PASD1: variants seen among roughly 807,000 people sequenced by gnomAD.
PASD1 encodes PAS domain containing repressor 1, also known as circadian clock protein PASD1.
A neutral mutation model predicts 58.8 loss-of-function variants in PASD1; 13 were observed. The observed-to-expected ratio is 0.22, with a 90% CI of 0.14 to 0.35. The LOEUF (loss-of-function observed/expected upper bound fraction) is 0.35. Ranked by LOEUF, PASD1 falls within the 10% of genes least tolerant of loss-of-function variation. PASD1 has a pLI of 1.00. For missense variants in PASD1, 734 were observed against 568.3 expected, an observed-to-expected ratio of 1.29 and a Z score of -2.96; for synonymous variants, 236 against 216.7, an observed-to-expected ratio of 1.09 and a Z score of -0.78.
Position 151,622,995 on chromosome X carries a change from A to T in PASD1, c.477A>T (p.Ala159=), listed in dbSNP as rs1173593233. 3 of 1,208,964 alleles carry T rather than the reference A, an allele frequency of 2.5e-6. No individual in the cohort carries two copies. The highest frequency in any genetic ancestry group is 4.4e-5 in the Admixed American group (2 of 45,955). Residue 159 remains alanine (A), a synonymous_variant, in exon 7 of 16, where the codon GCA becomes GCT. Coordinates refer to ENST00000370357, the MANE Select transcript of PASD1 (RefSeq NM_173493.3). ...FSSHLCADFA[A]CVPQEDRLYL... ...GCCACCTCTGTGCTGACTTTGCTGC[A>T]TGTGTTCCTCAGGAGGATCGGCTTT...
At chrX:151,632,260 G>A (rs757579807) in intron 8 of PASD1, among the ~76,000 whole-genome samples, 3 of 111,259 alleles carry the variant, frequency 2.7e-5, no homozygotes, top group Non-Finnish European at 5.6e-5. Context: ...TGGCCAGAAA[G>A]GGCCTCAACA....
In PASD1 at chrX:151,673,959, G is replaced by A. The variant is rs757615659; in HGVS notation, c.1948G>A (p.Val650Met). 9 of 1,209,178 alleles carry A rather than the reference G, an allele frequency of 7.4e-6. No homozygotes were observed. Among genetic ancestry groups the A allele is most frequent in the African/African-American group, 7.0e-5 (4 of 57,135 alleles). Residue 650 changes from valine (V) to methionine (M), a missense_variant, in exon 15 of 16, where the codon GTG (valine) becomes ATG (methionine). Physicochemically the swap from Val to Met is conservative, Grantham distance 21 (BLOSUM62 1). Coordinates refer to ENST00000370357, the MANE Select transcript of PASD1 (RefSeq NM_173493.3). The part of the protein sequence containing the change: ...FYPEAYQGPP[V>M]NQLPLIDTSN... ...TCCTGAGGCGTATCAAGGGCCCCCC[G>A]TGAACCAGCTGCCATTGATAGATAC... is the stretch of plus-strand genomic sequence containing the variant.
At chrX:151,573,815 G>T (rs187912799) in intron 1 of PASD1, among the ~76,000 whole-genome samples, 2 of 111,776 alleles carry the variant, frequency 1.8e-5, no homozygotes, top group East Asian at 5.6e-4. Context: ...AGGTGAATTG[G>T]GTTGTATTGT....
rs199702421 is a variant in PASD1 at position 151,620,936 on chromosome X, A to G, written c.214A>G (p.Ile72Val). Residue 72 changes from isoleucine (I) to valine (V), a missense_variant, in exon 5 of 16, where the codon ATT (isoleucine) becomes GTT (valine). Coordinates refer to ENST00000370357, the MANE Select transcript of PASD1 (RefSeq NM_173493.3). ...TCCTCTCCTCTCCTGCCAGGCTGAGATTGTGGGCAAAAAATTATTAAGCCT... is the reference window on the plus strand; with the variant it reads ...TCCTCTCCTCTCCTGCCAGGCTGAGGTTGTGGGCAAAAAATTATTAAGCCT... ...SSLLGHLPAE[I>V]VGKKLLSLLP... 5.7e-5 allele frequency: 69 copies of G among 1,202,049 alleles called. No individual in the cohort carries two copies. Among genetic ancestry groups the G allele is most frequent in the Non-Finnish European group, 5.6e-6 (5 of 890,223 alleles).
chrX:151,563,771 A>C lies in PASD1; in HGVS notation c.-96A>C, dbSNP rs1014483870. The C allele has an allele frequency of 2.7e-5, 3 of 112,264 alleles. No homozygotes were observed. The highest frequency in any genetic ancestry group is 5.6e-5 in the Non-Finnish European group (3 of 53,227). The allele number at this position is 112,264 out of a possible 1,213,427, so 9.3% of individuals were successfully genotyped here. A position where few individuals can be genotyped will look rare whatever the true frequency, so the allele number is the denominator to read the frequency against. ...CACCAGGCTCCCGGGCTCTCACCGG[A>C]GACCACAGGGAGGAGCTTCAAGGTA... On this transcript the variant is annotated 5_prime_UTR_variant, in exon 1 of 16. Coordinates refer to ENST00000370357, the MANE Select transcript of PASD1 (RefSeq NM_173493.3).
intron 4 of PASD1, among the ~76,000 whole-genome samples, chrX:151,619,667 G>A (rs1244222017): frequency 9.0e-6 from 1 of 111,600 alleles, no homozygotes; most frequent in Non-Finnish European, 1.9e-5. Context: ...GGGCTGAGAA[G>A]TGATGATTTG....
At chrX:151,641,722 G>A (rs1422212116) in intron 8 of PASD1, among the ~76,000 whole-genome samples, 2 of 110,819 alleles carry the variant, frequency 1.8e-5, no homozygotes, top group African/African-American at 3.3e-5. Flanking sequence ...AATTGGAGAG[G>A]AGAAGGGTAC....
chrX:151,651,679 G>T (rs1007792752), intron 9 of PASD1, among the ~76,000 whole-genome samples: 1 of 112,353 alleles, frequency 8.9e-6, no homozygotes, highest in Non-Finnish European at 1.9e-5. Flanking sequence ...GTCAAAGAAG[G>T]TCAGCCCTGA....
At chrX:151,575,648 A>AT (rs767860378) in intron 1 of PASD1, among the ~76,000 whole-genome samples, 4 of 106,705 alleles carry the variant, frequency 3.7e-5, no homozygotes, top group Non-Finnish European at 3.9e-5. Flanking sequence ...ATGAGCTGGA[A>AT]TTTTTTTTTT....
At chrX:151,631,015 G>T (rs766023397) in intron 8 of PASD1, among the ~76,000 whole-genome samples, 1 of 111,996 alleles carries the variant, frequency 8.9e-6, no homozygotes, top group South Asian at 3.8e-4. Context: ...TGAATACTGA[G>T]TAGCCCTCTG....
chrX:151,673,564 A>ATTTGGAG (rs1189502327), intron 14 of PASD1: 1 of 247,681 alleles, frequency 4.0e-6, no homozygotes, highest in Non-Finnish European at 7.2e-6. Flanking sequence ...AGAGCACTGG[A>ATTTGGAG]TTTGGAGTTT....
At chrX:151,674,835 T>A (rs1271699904) in intron 15 of PASD1, among the ~76,000 whole-genome samples, 1 of 112,310 alleles carries the variant, frequency 8.9e-6, no homozygotes, top group African/African-American at 3.2e-5. Flanking sequence ...ACCTTTTTTT[T>A]TTCAAACAAC....
chrX:151,591,372 A>G (rs2013246119), intron 1 of PASD1, among the ~76,000 whole-genome samples: 1 of 111,516 alleles, frequency 9.0e-6, no homozygotes, highest in Non-Finnish European at 1.9e-5. Context: ...TTAAAAATGG[A>G]TGAGAACAAC....
intron 11 of PASD1, among the ~76,000 whole-genome samples, chrX:151,668,305 C>T (rs915706799): frequency 1.8e-5 from 2 of 111,541 alleles, no homozygotes; most frequent in Non-Finnish European, 3.8e-5. Context: ...TGCTGGATTA[C>T]GTTTATTGAT....
intron 4 of PASD1, among the ~76,000 whole-genome samples, chrX:151,618,541 G>A (rs147709251): frequency 6.3e-4 from 71 of 111,974 alleles, no homozygotes; most frequent in African/African-American, 2.3e-3. Flanking sequence ...TGTTCTAGGT[G>A]TTGAAGATAT....
chrX:151,670,863 G>A (rs2014457923), intron 11 of PASD1, among the ~76,000 whole-genome samples, 175 bp from the exon 12 acceptor site: 1 of 112,257 alleles, frequency 8.9e-6, no homozygotes, highest in Non-Finnish European at 1.9e-5. Context: ...TTCTTATCTA[G>A]AATTCCTAAA....
In PASD1 at chrX:151,611,775, G is replaced by A. The variant is rs748123936; in HGVS notation, c.207+22G>A. On this transcript the variant is annotated intron_variant, in intron 4 of 15. Transcript: ENST00000370357. Reference sequence around the variant, plus strand: ...ACCAGTAAGTTCTTTCTACTTTTGGGAAAGTGGATCATTCTGGTTTGTTGT... The same window carrying A: ...ACCAGTAAGTTCTTTCTACTTTTGGAAAAGTGGATCATTCTGGTTTGTTGT... 8 of 1,104,333 alleles carry A rather than the reference G, an allele frequency of 7.2e-6. No homozygotes were observed. The East Asian group carries it at 1.5e-4, about 21-fold the overall frequency. The allele number at this position is 1,104,333 out of a possible 1,213,427, so 91.0% of individuals were successfully genotyped here. A position where few individuals can be genotyped will look rare whatever the true frequency, so the allele number is the denominator to read the frequency against.
intron 9 of PASD1, among the ~76,000 whole-genome samples, chrX:151,656,019 A>T (rs1313652795): frequency 8.9e-6 from 1 of 112,011 alleles, no homozygotes; most frequent in Non-Finnish European, 1.9e-5. Flanking sequence ...TCCATCTTGA[A>T]TTAATTTTTG....
intron 1 of PASD1, among the ~76,000 whole-genome samples, chrX:151,569,877 C>T (rs931318354): frequency 1.8e-5 from 2 of 110,483 alleles, no homozygotes; most frequent in Admixed American, 9.7e-5. Flanking sequence ...GCCCCTTTTT[C>T]TAATTTGAGA....
Sources: allele counts gnomAD v4.1 joint callset (sites outside exome capture counted in the v4.1 genomes callset), GRCh38; gene constraint gnomAD v4.1.1; transcripts MANE v1.5; gene names NCBI Gene and HGNC (gene_info 2026-07-23, HGNC 2026-07-21).